Variants in CDKAL1 observed in about 807,000 individuals in gnomAD.
The protein encoded by CDKAL1 is threonylcarbamoyladenosine tRNA methylthiotransferase.
In CDKAL1, 32 loss-of-function variants were observed where a neutral mutation model predicts 68.2. The ratio of observed to expected loss-of-function variants is 0.47; its 90% CI spans 0.35 to 0.63. The LOEUF is 0.63. Among genes scored for constraint, CDKAL1 ranks in the 30% least tolerant of loss-of-function variants. The probability of loss-of-function intolerance (pLI) is 0.00; values close to 1 mark genes in which losing one functional copy is unlikely to be tolerated. For synonymous variants in CDKAL1, 234 were observed against 244.3 expected, an observed-to-expected ratio of 0.96 and a Z score of 0.39; for missense variants, 606 against 696.7, an observed-to-expected ratio of 0.87 and a Z score of 1.47.
chr6:20,656,139 C>T (rs758698446), intron 5 of CDKAL1, among the ~76,000 whole-genome samples: 6 of 152,006 alleles, frequency 3.9e-5, no homozygotes, highest in East Asian at 1.9e-4. Context: ...GGATTTTAAC[C>T]GAGGCAGTCT....
chr6:20,979,447 G>T (rs777260596), intron 10 of CDKAL1, among the ~76,000 whole-genome samples: 1 of 152,126 alleles, frequency 6.6e-6, no homozygotes, highest in Non-Finnish European at 1.5e-5. Flanking sequence ...AGTAGGCAGG[G>T]TTGGCTTAGA....
At position 20,932,263 on chromosome 6, in the gene CDKAL1, G is replaced by A. The variant is rs6916666; in HGVS notation, c.743-23156G>A. ...GATTTTGATAACTAAATATATATAAGTTGTTGTTGTGTTCTCTTATGAACC... is the reference window on the plus strand; with the variant it reads ...GATTTTGATAACTAAATATATATAAATTGTTGTTGTGTTCTCTTATGAACC... On this transcript the variant is annotated intron_variant, in intron 9 of 15. Transcript: ENST00000274695. Among the ~76,000 whole-genome samples, 941 of 152,096 alleles carry A rather than the reference G, an allele frequency of 6.2e-3. 14 individuals are homozygous for A. Among genetic ancestry groups the A allele is most frequent in the African/African-American group, 0.021 (874 of 41,504 alleles).
chr6:20,622,375 G>C (rs1185273182), intron 4 of CDKAL1, among the ~76,000 whole-genome samples: 1 of 151,972 alleles, frequency 6.6e-6, no homozygotes, highest in Non-Finnish European at 1.5e-5. Context: ...AAAAAACTAA[G>C]GATTGGATCC....
At chr6:20,683,776 T>G (rs1280846223) in intron 5 of CDKAL1, among the ~76,000 whole-genome samples, 2 of 152,228 alleles carry the variant, frequency 1.3e-5, no homozygotes, top group African/African-American at 4.8e-5. Context: ...GTATGGTATT[T>G]TCTATGGATT....
intron 12 of CDKAL1, among the ~76,000 whole-genome samples, chr6:21,076,067 C>G (rs1038344103): frequency 1.6e-4 from 24 of 152,118 alleles, no homozygotes; most frequent in Middle Eastern, 3.2e-3. Context: ...TCATAGTTCA[C>G]TTACCTGCAG....
At chr6:20,810,499 A>AG (rs1240968280) in intron 8 of CDKAL1, among the ~76,000 whole-genome samples, 1 of 149,840 alleles carries the variant, frequency 6.7e-6, no homozygotes, top group Non-Finnish European at 1.5e-5. Context: ...CGTGAGGCTG[A>AG]GGTGGGAGGA....
intron 9 of CDKAL1, among the ~76,000 whole-genome samples, chr6:20,910,455 C>CT (rs1446206063): frequency 6.6e-6 from 1 of 152,212 alleles, no homozygotes; most frequent in African/African-American, 2.4e-5. Flanking sequence ...GGTGTCCTAT[C>CT]TGGCAACCTT....
chr6:20,832,791 CATAA>C (rs1314547482), intron 8 of CDKAL1, among the ~76,000 whole-genome samples: 3 of 152,102 alleles, frequency 2.0e-5, no homozygotes, highest in Non-Finnish European at 2.9e-5. Flanking sequence ...AATGGCATAT[CATAA>C]ATAACTTAAT....
At chr6:20,899,132 T>G (rs1761843947) in intron 9 of CDKAL1, among the ~76,000 whole-genome samples, 1 of 149,872 alleles carries the variant, frequency 6.7e-6, no homozygotes, top group African/African-American at 2.5e-5. Context: ...TGGCACAATC[T>G]CTGCTCACTG....
intron 9 of CDKAL1, among the ~76,000 whole-genome samples, chr6:20,929,181 C>T (rs1299587053): frequency 1.3e-5 from 2 of 152,172 alleles, no homozygotes; most frequent in African/African-American, 2.4e-5. Context: ...GATCCCCACT[C>T]GAAGGTCCAA....
intron 15 of CDKAL1, among the ~76,000 whole-genome samples, chr6:21,202,123 C>T (rs1299915977): frequency 6.6e-6 from 1 of 152,084 alleles, no homozygotes; most frequent in African/African-American, 2.4e-5. Context: ...TTCACTCTGG[C>T]AATAGTACCG....
chr6:20,639,378 T>G (rs893830416), intron 4 of CDKAL1, among the ~76,000 whole-genome samples: 25 of 152,126 alleles, frequency 1.6e-4, no homozygotes, highest in Non-Finnish European at 2.6e-4. Flanking sequence ...AAAGGGCCAG[T>G]TCATACTCTT....
chr6:20,745,258 C>T (rs1440179144), intron 6 of CDKAL1, among the ~76,000 whole-genome samples: 1 of 152,168 alleles, frequency 6.6e-6, no homozygotes, highest in Non-Finnish European at 1.5e-5. Context: ...ATTATGTGTA[C>T]AGTTAAAGCT....
chr6:21,113,579 C>T (rs1774232374), intron 13 of CDKAL1, among the ~76,000 whole-genome samples: 1 of 151,800 alleles, frequency 6.6e-6, no homozygotes, highest in African/African-American at 2.4e-5. Context: ...CTCAGCTCAC[C>T]GCAACCTCTG....
rs541762175 is a variant in CDKAL1, at chr6:20,740,620, G to A, written c.468+1005G>A. 2.6e-4 allele frequency among the ~76,000 whole-genome samples: 40 copies of A among 152,230 alleles called. 1 individual carries two copies. Among genetic ancestry groups the A allele is most frequent in the African/African-American group, 9.1e-4 (38 of 41,564 alleles). On this transcript the variant is annotated intron_variant, in intron 6 of 15. Transcript: ENST00000274695. ...AAGTTTACATAATTAATTGGCATCT[G>A]CTTTGAACTTTATGATAGATTTTTC... is the stretch of plus-strand genomic sequence containing the variant.
At chr6:21,217,362 T>G (rs919388265) in intron 15 of CDKAL1, among the ~76,000 whole-genome samples, 10 of 151,176 alleles carry the variant, frequency 6.6e-5, no homozygotes, top group Non-Finnish European at 1.5e-4. Context: ...GATGTGATCA[T>G]TAGCTCACTG....
At chr6:21,135,702 G>T (rs1410110371) in intron 13 of CDKAL1, 1 of 984,956 alleles carries the variant, frequency 1.0e-6, no homozygotes, top group African/African-American at 1.7e-5. Context: ...CTGGAAGCTG[G>T]GACAGGACTG....
At chr6:20,946,011 A>G (rs1197809181) in intron 9 of CDKAL1, among the ~76,000 whole-genome samples, 1 of 152,234 alleles carries the variant, frequency 6.6e-6, no homozygotes, top group Non-Finnish European at 1.5e-5. Flanking sequence ...TTCAGTTTTC[A>G]TGAGCATAAG....
chr6:21,050,897 A>C (rs1277608654), intron 11 of CDKAL1, among the ~76,000 whole-genome samples: 1 of 152,216 alleles, frequency 6.6e-6, no homozygotes, highest in East Asian at 1.9e-4. Context: ...TTCAAACAAG[A>C]GGGTTTAAAC....
Sources: gnomAD v4.1 joint callset for allele counts (sites outside exome capture counted in the v4.1 genomes callset) on GRCh38, gnomAD v4.1.1 for gene constraint, MANE v1.5 for transcripts, NCBI Gene and HGNC (gene_info 2026-07-23, HGNC 2026-07-21) for gene names.